GALK1: variants seen among roughly 807,000 people sequenced by gnomAD.
The protein encoded by GALK1 is galactokinase 1, also known as galactokinase.
In GALK1, 30 loss-of-function variants were observed where a neutral mutation model predicts 38.6. The ratio of observed to expected loss-of-function variants is 0.78; its 90% CI spans 0.58 to 1.05. The LOEUF (loss-of-function observed/expected upper bound fraction) is 1.05. GALK1 is among the 50% of genes least tolerant of loss of function. GALK1 has a pLI of 0.00. For synonymous variants in GALK1, 240 were observed against 233.6 expected (o/e 1.03, Z -0.25); for missense variants, 512 against 540.5 (o/e 0.95, Z 0.52).
chr17:75,761,706 T>G (rs1328028190), intron 5 of GALK1, among the ~76,000 whole-genome samples: 1 of 139,086 alleles, frequency 7.2e-6, no homozygotes, highest in Non-Finnish European at 1.5e-5. Context: ...GGTTCTGAGA[T>G]TATGTTTAGT....
intron 1 of GALK1, chr17:75,764,712 C>A: frequency 1.6e-6 from 1 of 613,408 alleles, no homozygotes; most frequent in Admixed American, 2.7e-5. Flanking sequence ...AGGTTGAAGG[C>A]GAGGAGCCCC....
chr17:75,758,491 C>T lies in GALK1; in HGVS notation c.902G>A (p.Arg301Lys). The T allele has an allele frequency of 6.3e-7, 1 of 1,578,298 alleles. No individual in the cohort carries two copies. Among genetic ancestry groups the T allele is most frequent in the Non-Finnish European group, 8.6e-7 (1 of 1,164,742 alleles). The change falls in exon 6 of 8, where the codon AGA (arginine) becomes AAA (lysine). Residue 301 changes from arginine to lysine, a missense_variant. By Grantham distance (26) the Arg-to-Lys change is conservative (BLOSUM62 2). Coordinates refer to ENST00000588479, the MANE Select transcript of GALK1 (RefSeq NM_000154.2). ...AAAALRRGDYRAFGRLMVESH... is the reference protein window; with the variant it reads ...AAAALRRGDYKAFGRLMVESH... Reference sequence around the variant, plus strand: ...CTCCACCATGAGGCGGCCAAAGGCTCTGTAGTCGCCACGTCTCAGGGCGGC... The same window carrying T: ...CTCCACCATGAGGCGGCCAAAGGCTTTGTAGTCGCCACGTCTCAGGGCGGC...
chr17:75,754,792 C>T (rs1276868038), downstream of GALK1: 6 of 1,614,032 alleles, frequency 3.7e-6, no homozygotes, highest in South Asian at 6.6e-5. Flanking sequence ...GACTACTCCA[C>T]CCTCACCTCC....
At chr17:75,756,950 C>T (rs2061524782), downstream of GALK1, 2 of 1,612,472 alleles carry the variant, frequency 1.2e-6, no homozygotes, top group African/African-American at 1.3e-5. Context: ...CAGGGCCAGC[C>T]ACCGCATTCC....
At chr17:75,763,797 A>T in intron 2 of GALK1, 100 bp downstream of exon 2, 1 of 1,187,064 alleles carries the variant, frequency 8.4e-7, no homozygotes, top group Non-Finnish European at 1.2e-6. Flanking sequence ...CCACTCTACA[A>T]GCCTTCCCCA....
downstream of GALK1, chr17:75,753,885 C>G: frequency 7.6e-7 from 1 of 1,317,404 alleles, no homozygotes; most frequent in Admixed American, 3.7e-5. Context: ...TCCTCCGACG[C>G]CGAGGCGCCC....
rs1376362762 is a variant in GALK1 at position 75,764,957 on chromosome 17, C to G, written c.165+15G>C. ...AGGCGGCGGCGGGCTAGGGGCTCCC[C>G]GTGCAGCCCCTCACCATAGGCAGCA... is the stretch of plus-strand genomic sequence containing the variant. On this transcript the variant is annotated intron_variant, in intron 1 of 7. Coordinates refer to ENST00000588479, the MANE Select transcript of GALK1 (RefSeq NM_000154.2). 1 of 1,603,190 alleles carries G rather than the reference C, an allele frequency of 6.2e-7. No homozygotes were observed. The highest frequency in any genetic ancestry group is 1.1e-5 in the South Asian group (1 of 89,882).
downstream of GALK1, chr17:75,755,113 G>A (rs573085434): frequency 1.2e-6 from 2 of 1,607,996 alleles, no homozygotes; most frequent in African/African-American, 1.3e-5. Flanking sequence ...GGGCCCTGGG[G>A]TCCCGGAGTC....
At chr17:75,761,321 C>T (rs72860360) in intron 5 of GALK1, among the ~76,000 whole-genome samples, 3,595 of 151,920 alleles carry the variant, frequency 0.024, 71 homozygotes, top group Non-Finnish European at 0.035. Context: ...TATTGTGGAG[C>T]TTTAAAGAGC....
rs1555748595 is a variant in GALK1 at position 75,763,108 on chromosome 17, CCTG to C, written c.514_516del (p.Gln172del). 3.1e-6 allele frequency: 5 copies of C among 1,612,358 alleles called. No individual in the cohort carries two copies. Among genetic ancestry groups the C allele is most frequent in the Non-Finnish European group, 3.4e-6 (4 of 1,180,006 alleles). On this transcript the variant is annotated inframe_deletion, in exon 4 of 8. Transcript: ENST00000588479. Reference sequence around the variant, plus strand: ...GGCATCCCTGCGAAGCTGTGCTCGGCCTGCTGACACACCTGGGCGCGGGCAGCT... The same window carrying C: ...GGCATCCCTGCGAAGCTGTGCTCGGCCTGACACACCTGGGCGCGGGCAGCT...
At position 75,762,340 on chromosome 17, in the gene GALK1, GA is replaced by G. The variant is rs534993284; in HGVS notation, c.793+363del. On this transcript the variant is annotated intron_variant, in intron 5 of 7. Transcript: ENST00000588479. Reference sequence around the variant, plus strand: ...TCTTAAAAAAAAGGGGGTGGGGGGGGAAAGTGATGATATATTACATATACTC... The same window carrying G: ...TCTTAAAAAAAAGGGGGTGGGGGGGGAAGTGATGATATATTACATATACTC... Among the ~76,000 whole-genome samples, 183 of 150,172 alleles carry G rather than the reference GA, an allele frequency of 1.2e-3. 1 individual carries two copies. The highest frequency in any genetic ancestry group is 2.6e-3 in the Admixed American group (40 of 15,114).
At chr17:75,752,612 G>A (rs768563014) in intron 8 of GALK1, 1 of 1,612,414 alleles carries the variant, frequency 6.2e-7, no homozygotes. Flanking sequence ...AGAGGACAGT[G>A]GGGGTCTTGG....
chr17:75,765,084 C>G lies in GALK1; in HGVS notation c.53G>C (p.Arg18Pro). 1 of 1,593,856 alleles carries G rather than the reference C, an allele frequency of 6.3e-7. No homozygotes were observed. The highest frequency in any genetic ancestry group is 1.1e-5 in the South Asian group (1 of 88,718). Residue 18 changes from arginine to proline, a missense_variant, in exon 1 of 8, where the codon CGA (arginine) becomes CCA (proline). Physicochemically the swap from Arg to Pro is moderately radical, Grantham distance 103. Coordinates refer to ENST00000588479, the MANE Select transcript of GALK1 (RefSeq NM_000154.2). Reference sequence around the variant, plus strand: ...GGCCCCGAACTCCTCCCGGAAGGCTCGCCGGGCCTCGGCCAGCAGCTCCGC... The same window carrying G: ...GGCCCCGAACTCCTCCCGGAAGGCTGGCCGGGCCTCGGCCAGCAGCTCCGC... Reference protein sequence around the residue: ...QVAELLAEARRAFREEFGAEP... With the variant: ...QVAELLAEARPAFREEFGAEP...
At chr17:75,751,918 G>A (rs1423255044) in intron 8 of GALK1, 7 of 559,974 alleles carry the variant, frequency 1.3e-5, no homozygotes, top group South Asian at 3.8e-5. Flanking sequence ...AGGTGACATC[G>A]AGGCCAACTT....
At chr17:75,753,932 GGCGGCAGCCTGCCCCGCAGT>G (rs2061427847), downstream of GALK1, 23 of 1,283,066 alleles carry the variant, frequency 1.8e-5, no homozygotes, top group Non-Finnish European at 2.3e-5. Context: ...GGGCGGGAAG[GGCGGCAGCCTGCCCCGCAGT>G]GCGACACCCG....
At chr17:75,754,526 GC>G (rs1339593737), downstream of GALK1, 4 of 1,611,436 alleles carry the variant, frequency 2.5e-6, no homozygotes, top group Admixed American at 6.7e-5. Context: ...GCCCCACGGG[GC>G]CCGGGTCTGG....
Position 75,763,361 on chromosome 17 carries a change from A to G in GALK1, c.434T>C (p.Leu145Ser). The G allele has an allele frequency of 2.5e-6, 4 of 1,613,882 alleles. No individual in the cohort carries two copies. The highest frequency in any genetic ancestry group is 3.4e-6 in the Non-Finnish European group (4 of 1,179,952). Reference sequence around the variant, plus strand: ...GAGGAAGGTGTACGTGGCCACTTCCAAGGATGCTGAGCTGGACAGGCCACC... The same window carrying G: ...GAGGAAGGTGTACGTGGCCACTTCCGAGGATGCTGAGCTGGACAGGCCACC... ...LGGGLSSSAS[L>S]EVATYTFLQQ... Residue 145 changes from leucine (L) to serine (S), a missense_variant, in exon 3 of 8, where the codon TTG (leucine) becomes TCG (serine). Coordinates refer to ENST00000588479, the MANE Select transcript of GALK1 (RefSeq NM_000154.2).
downstream of GALK1, chr17:75,755,228 G>T: frequency 6.3e-7 from 1 of 1,596,386 alleles, no homozygotes; most frequent in Non-Finnish European, 8.6e-7. Context: ...TACAGGGGTG[G>T]CCATCCTGTC....
At chr17:75,757,485 T>C (rs763291660), downstream of GALK1, 2 of 1,612,916 alleles carry the variant, frequency 1.2e-6, no homozygotes, top group African/African-American at 1.3e-5. Context: ...ACCCAGGAGT[T>C]TGTGAGCCGG....
Sources: gnomAD v4.1 joint callset for allele counts (sites outside exome capture counted in the v4.1 genomes callset) on GRCh38, gnomAD v4.1.1 for gene constraint, MANE v1.5 for transcripts, NCBI Gene and HGNC (gene_info 2026-07-23, HGNC 2026-07-21) for gene names.